The following ACYP2 variants were observed in gnomAD, a reference collection of about 807,000 sequenced individuals.
ACYP2 encodes acylphosphatase 2, also known as acylphosphatase-2.
ACYP2 carries 12 observed loss-of-function variants against 11.2 expected under a neutral mutation model. The ratio of observed to expected loss-of-function variants is 1.08; its 90% confidence interval spans 0.69 to 1.74. ACYP2 has a LOEUF of 1.74. Among genes scored for constraint, ACYP2 ranks in the 40% most tolerant of loss-of-function variants. The pLI, the probability that ACYP2 is intolerant of heterozygous loss-of-function variation, is 0.00. For synonymous variants in ACYP2, 43 were observed against 32.2 expected (o/e 1.33, Z -1.13); for missense variants, 134 against 101.9 (o/e 1.31, Z -1.35).
At chr2:54,144,542 T>C (rs963186243) in intron 6 of ACYP2, among the ~76,000 whole-genome samples, 1 of 151,738 alleles carries the variant, frequency 6.6e-6, no homozygotes, top group African/African-American at 2.4e-5. Context: ...GGCGTGGTGG[T>C]ACACACCTGT....
At chr2:54,276,518 C>A (rs1254208653) in intron 6 of ACYP2, among the ~76,000 whole-genome samples, 2 of 151,866 alleles carry the variant, frequency 1.3e-5, no homozygotes, top group African/African-American at 4.8e-5. Context: ...TACCTCCCAG[C>A]TAGAGACATT....
intron 6 of ACYP2, among the ~76,000 whole-genome samples, chr2:54,220,705 G>A (rs1685763444): frequency 6.6e-6 from 1 of 152,112 alleles, no homozygotes; most frequent in African/African-American, 2.4e-5. Flanking sequence ...AATTATAAAT[G>A]AACTTCTGAA....
intron 2 of ACYP2, among the ~76,000 whole-genome samples, chr2:54,040,122 G>A (rs1675146240): frequency 6.6e-6 from 1 of 152,122 alleles, no homozygotes; most frequent in African/African-American, 2.4e-5. Flanking sequence ...AGCAGTGGTA[G>A]TAGTGGAAGT....
intron 6 of ACYP2, among the ~76,000 whole-genome samples, chr2:54,191,507 C>G (rs193213177): frequency 2.2e-4 from 33 of 152,338 alleles, no homozygotes; most frequent in African/African-American, 7.7e-4. Flanking sequence ...CTGCTCTTCA[C>G]TAGCTGTGTG....
At position 54,256,242 on chromosome 2, in the gene ACYP2, C is replaced by T. The variant is rs1397219798; in HGVS notation, c.405-48446C>T. ...CACACAAAATGGCGAGTAAACACCTCGCCCATTTGCGCCGCCCACTCTTCA... is the reference window on the plus strand; with the variant it reads ...CACACAAAATGGCGAGTAAACACCTTGCCCATTTGCGCCGCCCACTCTTCA... On this transcript the variant is annotated intron_variant, in intron 6 of 6. Transcript: ENST00000607452. 2.1e-5 allele frequency: 29 copies of T among 1,411,044 alleles called. No homozygotes were observed. In the Admixed American group the frequency reaches 2.2e-4, roughly 11 times the overall value. The allele number at this position is 1,411,044 out of a possible 1,614,324, so 87.4% of individuals were successfully genotyped here.
At chr2:54,246,512 CCATTT>C (rs139105601) in intron 6 of ACYP2, among the ~76,000 whole-genome samples, 1,947 of 152,204 alleles carry the variant, frequency 0.013, 41 homozygotes, top group African/African-American at 0.043. Context: ...TAGTCTTCCC[CCATTT>C]CATCTTCCAA....
chr2:54,269,865 T>C (rs1688204608), intron 6 of ACYP2, among the ~76,000 whole-genome samples: 1 of 152,174 alleles, frequency 6.6e-6, no homozygotes, highest in South Asian at 2.1e-4. Flanking sequence ...ATATGAATTA[T>C]ATTAAATAAC....
At chr2:54,283,981 G>T (rs1159019423) in intron 6 of ACYP2, among the ~76,000 whole-genome samples, 1 of 152,138 alleles carries the variant, frequency 6.6e-6, no homozygotes, top group African/African-American at 2.4e-5. Flanking sequence ...TGGGCATCGT[G>T]GCACCTGTAA....
At chr2:53,971,393 C>T (rs547676968) in intron 1 of ACYP2, 1 of 152,366 alleles carries the variant, frequency 6.6e-6, no homozygotes, top group African/African-American at 2.4e-5. Flanking sequence ...GCCTACGTAC[C>T]CACTTGCTCC....
chr2:54,031,433 T>C (rs1443926663), intron 2 of ACYP2, among the ~76,000 whole-genome samples: 1 of 152,128 alleles, frequency 6.6e-6, no homozygotes, highest in East Asian at 1.9e-4. Flanking sequence ...GCTTCATCCA[T>C]GTCCCTACAA....
intron 4 of ACYP2, among the ~76,000 whole-genome samples, chr2:54,116,070 GGAAAA>G (rs1294511820): frequency 6.6e-6 from 1 of 152,124 alleles, no homozygotes; most frequent in Non-Finnish European, 1.5e-5. Context: ...AAGTTGGGTA[GGAAAA>G]GAAGAGGGTC....
At chr2:54,040,781 G>C (rs768515393) in intron 2 of ACYP2, among the ~76,000 whole-genome samples, 5 of 152,198 alleles carry the variant, frequency 3.3e-5, no homozygotes, top group Non-Finnish European at 5.9e-5. Flanking sequence ...TTTAACTGAA[G>C]TGGATTGGAT....
intron 2 of ACYP2, among the ~76,000 whole-genome samples, chr2:54,034,456 T>C (rs896724343): frequency 6.6e-6 from 1 of 152,190 alleles, no homozygotes; most frequent in African/African-American, 2.4e-5. Context: ...GTGTTACAGT[T>C]GCGTACAGTA....
chr2:54,198,881 A>G (rs1257060524), intron 6 of ACYP2, among the ~76,000 whole-genome samples: 1 of 152,098 alleles, frequency 6.6e-6, no homozygotes, highest in Non-Finnish European at 1.5e-5. Context: ...GTTTTATTTC[A>G]CTTCTCGTTC....
Position 54,011,778 on chromosome 2 carries a change from C to T in ACYP2, c.62+37968C>T, listed in dbSNP as rs1471746619. 2.6e-5 allele frequency among the ~76,000 whole-genome samples: 4 copies of T among 151,806 alleles called. No homozygotes were observed. The East Asian group carries it at 7.7e-4, about 29-fold the overall frequency. ...TAATCTTTGTTTCTCCATTCTAGAG[C>T]ATTTTCTTCTTGAGTAGCTCAGTAA... On this transcript the variant is annotated intron_variant, in intron 2 of 6. Transcript: ENST00000607452.
At chr2:54,027,493 C>G (rs1031821840) in intron 2 of ACYP2, among the ~76,000 whole-genome samples, 1 of 152,192 alleles carries the variant, frequency 6.6e-6, no homozygotes, top group African/African-American at 2.4e-5. Context: ...AATCATACTT[C>G]AGACTATCAT....
chr2:54,278,164 G>C (rs1409162570), intron 6 of ACYP2, among the ~76,000 whole-genome samples: 1 of 152,074 alleles, frequency 6.6e-6, no homozygotes, highest in Non-Finnish European at 1.5e-5. Context: ...GTTTTTAGTA[G>C]AGACAGGGTT....
intron 4 of ACYP2, chr2:54,079,951 C>G (rs1284188912): frequency 6.4e-6 from 1 of 155,736 alleles, no homozygotes; most frequent in South Asian, 1.9e-4. Context: ...TTTCTTCAGT[C>G]TCTAAGGACT....
intron 2 of ACYP2, among the ~76,000 whole-genome samples, chr2:54,012,628 A>T (rs937158364): frequency 6.6e-6 from 1 of 152,060 alleles, no homozygotes; most frequent in Non-Finnish European, 1.5e-5. Context: ...AGTCACCAGA[A>T]TCTGGTGACT....
Sources: allele counts gnomAD v4.1 joint callset (sites outside exome capture counted in the v4.1 genomes callset), GRCh38; gene constraint gnomAD v4.1.1; transcripts MANE v1.5; gene names NCBI Gene and HGNC (gene_info 2026-07-23, HGNC 2026-07-21).